MAGI2: variants seen among roughly 807,000 people sequenced by gnomAD.
MAGI2 encodes the protein membrane associated guanylate kinase, WW and PDZ domain containing 2.
Under a neutral mutation model 133.3 loss-of-function variants are expected in MAGI2, and 35 were observed. The ratio of observed to expected loss-of-function variants is 0.26; its 90% CI spans 0.20 to 0.35. The LOEUF (loss-of-function observed/expected upper bound fraction) is 0.35, where lower values mean the gene tolerates loss of function less well. Ranked by LOEUF, MAGI2 falls within the 10% of genes least tolerant of loss-of-function variation. MAGI2 has a pLI of 1.00. For missense variants in MAGI2, 1,636 were observed against 1,863.4 expected, an observed-to-expected ratio of 0.88 and a Z score of 2.25; for synonymous variants, 729 against 710.6, an observed-to-expected ratio of 1.03 and a Z score of -0.41.
At chr7:79,342,578 A>G (rs535452930) in intron 1 of MAGI2, among the ~76,000 whole-genome samples, 73 of 152,346 alleles carry the variant, frequency 4.8e-4, no homozygotes, top group Non-Finnish European at 6.5e-4. Flanking sequence ...CAGAAAATTT[A>G]GAATCACATA....
At chr7:79,174,048 C>G (rs773331195) in intron 1 of MAGI2, among the ~76,000 whole-genome samples, 2 of 151,704 alleles carry the variant, frequency 1.3e-5, no homozygotes, top group Non-Finnish European at 2.9e-5. Context: ...TAGAATTCAT[C>G]ACATAATACT....
At position 79,101,521 on chromosome 7, in the gene MAGI2, G is replaced by C. The variant is rs900400751; in HGVS notation, c.302-94315C>G. Among the ~76,000 whole-genome samples the C allele has an allele frequency of 5.3e-5, 8 of 152,086 alleles. No homozygotes were observed. The East Asian group carries it at 1.6e-3, about 30-fold the overall frequency. On this transcript the variant is annotated intron_variant, in intron 1 of 21. Coordinates refer to ENST00000354212, the MANE Select transcript of MAGI2 (RefSeq NM_012301.4). ...GGGCGGATCACGAGGTCAGGAGATCGAGACCATTCTGGCTAACACGGTGAA... is the reference window on the plus strand; with the variant it reads ...GGGCGGATCACGAGGTCAGGAGATCCAGACCATTCTGGCTAACACGGTGAA...
chr7:78,161,508 A>C (rs935803737), intron 15 of MAGI2, among the ~76,000 whole-genome samples: 1 of 152,038 alleles, frequency 6.6e-6, no homozygotes, highest in Non-Finnish European at 1.5e-5. Context: ...ATAGCATCCT[A>C]TGTAGAACTC....
At chr7:78,774,170 A>G (rs1825802390) in intron 2 of MAGI2, among the ~76,000 whole-genome samples, 1 of 152,198 alleles carries the variant, frequency 6.6e-6, no homozygotes, top group African/African-American at 2.4e-5. Flanking sequence ...GAATCAGAAC[A>G]TCTGGGGATA....
chr7:78,299,115 G>C (rs1443165196), intron 9 of MAGI2, among the ~76,000 whole-genome samples: 2 of 152,092 alleles, frequency 1.3e-5, no homozygotes, highest in African/African-American at 2.4e-5. Context: ...ACCGTGCCTG[G>C]CTATAACGGT....
chr7:79,055,318 A>T (rs1229206353), intron 1 of MAGI2, among the ~76,000 whole-genome samples: 5 of 152,100 alleles, frequency 3.3e-5, no homozygotes, highest in African/African-American at 1.2e-4. Context: ...GATATAGCAC[A>T]AGAGGCAGTA....
At chr7:79,280,698 G>C (rs529621380) in intron 1 of MAGI2, among the ~76,000 whole-genome samples, 8 of 151,916 alleles carry the variant, frequency 5.3e-5, no homozygotes, top group Admixed American at 1.3e-4. Flanking sequence ...GAAGGCAGAT[G>C]GGGAGGATCA....
intron 14 of MAGI2, among the ~76,000 whole-genome samples, chr7:78,175,028 T>C (rs1471196096): frequency 6.6e-6 from 1 of 152,194 alleles, no homozygotes; most frequent in Non-Finnish European, 1.5e-5. Flanking sequence ...TGTGCATCTC[T>C]TCTTTTGGAT....
At chr7:78,467,631 T>C (rs1240911688) in intron 6 of MAGI2, among the ~76,000 whole-genome samples, 1 of 151,614 alleles carries the variant, frequency 6.6e-6, no homozygotes, top group East Asian at 1.9e-4. Flanking sequence ...TGCAATTTGG[T>C]GTGAGATAAA....
intron 1 of MAGI2, among the ~76,000 whole-genome samples, chr7:79,122,290 CAT>C (rs1584978413): frequency 6.6e-6 from 1 of 152,294 alleles, no homozygotes; most frequent in East Asian, 1.9e-4. Flanking sequence ...TACCTCTACA[CAT>C]GTCTCTCCAA....
intron 4 of MAGI2, among the ~76,000 whole-genome samples, chr7:78,514,984 T>A (rs974534919): frequency 2.0e-5 from 3 of 152,222 alleles, no homozygotes; most frequent in Non-Finnish European, 4.4e-5. Flanking sequence ...TCATGGGCCC[T>A]GTTCCTCTTG....
intron 1 of MAGI2, among the ~76,000 whole-genome samples, chr7:79,260,363 AATACATACATACATACATAC>A (rs61427819): frequency 0.6 from 89,124 of 149,140 alleles, 27,807 homozygotes; most frequent in Non-Finnish European, 0.69. Flanking sequence ...TCTCTAAGTA[AATACATACATACATACATAC>A]ATACATACAT....
At chr7:78,603,465 A>G (rs2150885826) in intron 3 of MAGI2, among the ~76,000 whole-genome samples, 1 of 152,312 alleles carries the variant, frequency 6.6e-6, no homozygotes, top group Non-Finnish European at 1.5e-5. Context: ...GTGACCTTGA[A>G]ATGGATTAAA....
chr7:78,591,887 T>C (rs1477055306), intron 3 of MAGI2, among the ~76,000 whole-genome samples: 1 of 152,148 alleles, frequency 6.6e-6, no homozygotes, highest in African/African-American at 2.4e-5. Flanking sequence ...GAGCAAGATG[T>C]TACAAACAAT....
chr7:78,825,554 A>G (rs1790552715), intron 2 of MAGI2, among the ~76,000 whole-genome samples: 1 of 152,160 alleles, frequency 6.6e-6, no homozygotes, highest in Non-Finnish European at 1.5e-5. Context: ...TATTAAATTG[A>G]AGGATTACAA....
At chr7:79,273,618 T>C (rs1011575535) in intron 1 of MAGI2, among the ~76,000 whole-genome samples, 6 of 151,760 alleles carry the variant, frequency 4.0e-5, no homozygotes, top group African/African-American at 1.5e-4. Flanking sequence ...CTTTTTTTTT[T>C]CTTCAGAGTA....
At chr7:79,040,468 G>A (rs998258052) in intron 1 of MAGI2, among the ~76,000 whole-genome samples, 5 of 152,150 alleles carry the variant, frequency 3.3e-5, no homozygotes, top group Admixed American at 2.6e-4. Flanking sequence ...GGAAGGGCAA[G>A]CGGGAGGGAG....
At chr7:78,777,731 C>T (rs1177431345) in intron 2 of MAGI2, among the ~76,000 whole-genome samples, 1 of 152,090 alleles carries the variant, frequency 6.6e-6, no homozygotes, top group Non-Finnish European at 1.5e-5. Flanking sequence ...ATAAAACACA[C>T]TATCATATTA....
intron 3 of MAGI2, among the ~76,000 whole-genome samples, chr7:78,623,281 T>C (rs995008999): frequency 1.3e-5 from 2 of 151,272 alleles, no homozygotes. Context: ...CATTGGTTCA[T>C]TCTTACATAA....
Sources: gnomAD v4.1 joint callset for allele counts (sites outside exome capture counted in the v4.1 genomes callset) on GRCh38, gnomAD v4.1.1 for gene constraint, MANE v1.5 for transcripts, NCBI Gene and HGNC (gene_info 2026-07-23, HGNC 2026-07-21) for gene names.